NAA10: variants seen among roughly 807,000 people sequenced by gnomAD.
NAA10 encodes the protein N-alpha-acetyltransferase 10, NatA catalytic subunit.
Under a neutral mutation model 19.2 loss-of-function variants are expected in NAA10, and 6 were observed. The observed-to-expected ratio is 0.31, with a 90% confidence interval of 0.17 to 0.62. The LOEUF (loss-of-function observed/expected upper bound fraction) is 0.62. Among genes scored for constraint, NAA10 ranks in the 20% least tolerant of loss-of-function variants. The pLI is 0.83. For synonymous variants in NAA10, 97 were observed against 79.9 expected (o/e 1.21, Z -1.14); for missense variants, 101 against 198.4 (o/e 0.51, Z 2.95).
At chrX:153,934,118 T>G (rs2065182875) in intron 2 of NAA10, 117 bp from the exon 3 acceptor site, 2 of 707,829 alleles carry the variant, frequency 2.8e-6, no homozygotes, top group South Asian at 2.2e-5. Context: ...CCGGGCTGAG[T>G]GGCTTGGTCT....
intron 2 of NAA10, 66 bp from the exon 3 acceptor site, chrX:153,934,067 C>A: frequency 9.6e-7 from 1 of 1,038,809 alleles, no homozygotes; most frequent in Non-Finnish European, 1.4e-6. Context: ...TAGAGGGACA[C>A]AAACTGGACG....
At position 153,931,544 on chromosome X, in the gene NAA10, C is replaced by G. The variant is rs1031996279; in HGVS notation, c.386+527G>C. ...ACTTGCAAGCACTTTTTTCCACTGTCTACTGGGCATGCCAACTGCCAGGTT... is the reference window on the plus strand; with the variant it reads ...ACTTGCAAGCACTTTTTTCCACTGTGTACTGGGCATGCCAACTGCCAGGTT... On this transcript the variant is annotated intron_variant, in intron 6 of 7. Transcript: ENST00000464845. 51 of 813,133 alleles carry G rather than the reference C, an allele frequency of 6.3e-5. No individual in the cohort carries two copies. In the Admixed American group the frequency reaches 7.5e-4, roughly 12 times the overall value. The allele number at this position is 813,133 out of a possible 1,213,427, so 67.0% of individuals were successfully genotyped here.
Position 153,934,655 on chromosome X carries a change from C to A in NAA10, c.22-180G>T, listed in dbSNP as rs782740183. ...ACAGGAGTGGGCGCCCCGGAGGTCC[C>A]CGGAGCCCACCCAACGGAGGCCCGA... On this transcript the variant is annotated intron_variant, in intron 1 of 7. Coordinates refer to ENST00000464845, the MANE Select transcript of NAA10 (RefSeq NM_003491.4). 23 of 561,726 alleles carry A rather than the reference C, an allele frequency of 4.1e-5. No homozygotes were observed. The South Asian group carries it at 5.7e-4, about 14-fold the overall frequency. The allele number at this position is 561,726 out of a possible 1,213,427, so 46.3% of individuals were successfully genotyped here.
intron 1 of NAA10, 27 bp from the exon 2 acceptor site, chrX:153,934,502 C>T: frequency 8.8e-7 from 1 of 1,130,050 alleles, no homozygotes; most frequent in Non-Finnish European, 1.2e-6. Context: ...CAGTGGAACG[C>T]GCTCAGTCTA....
intron 7 of NAA10, 34 bp from the exon 8 acceptor site, chrX:153,930,257 A>G (rs2065158825): frequency 8.7e-7 from 1 of 1,147,893 alleles, no homozygotes; most frequent in Admixed American, 2.2e-5. Flanking sequence ...AGCGGGGGCA[A>G]AGAGACAGGG....
intron 3 of NAA10, 116 bp from the exon 4 acceptor site, chrX:153,932,700 G>C (rs2065173868): frequency 2.9e-6 from 2 of 682,626 alleles, no homozygotes; most frequent in African/African-American, 4.3e-5. Context: ...CCCCAGCTGG[G>C]GGAGAGCCGG....
rs1245820691 is a variant in NAA10, at chrX:153,929,436, C to G, written c.*551G>C. 1.7e-5 allele frequency: 2 copies of G among 120,103 alleles called. No homozygotes were observed. Among genetic ancestry groups the G allele is most frequent in the Non-Finnish European group, 3.5e-5 (2 of 57,888 alleles). The allele number at this position is 120,103 out of a possible 1,213,427, so 9.9% of individuals were successfully genotyped here. Reference sequence around the variant, plus strand: ...TTAGGGTGGCAGGGGAGGGAGGACTCAAGGACTGTTGATGGGGCATCTGGC... The same window carrying G: ...TTAGGGTGGCAGGGGAGGGAGGACTGAAGGACTGTTGATGGGGCATCTGGC... On this transcript the variant is annotated 3_prime_UTR_variant, in exon 8 of 8. Coordinates refer to ENST00000464845, the MANE Select transcript of NAA10 (RefSeq NM_003491.4).
intron 7 of NAA10, 145 bp downstream of exon 7, chrX:153,930,618 G>A (rs1391093036): frequency 3.3e-6 from 2 of 607,382 alleles, no homozygotes; most frequent in Non-Finnish European, 5.4e-6. Flanking sequence ...CTCCTCTAAA[G>A]CCCAGCCTAG....
In NAA10 at chrX:153,934,915, G is replaced by A. The variant is rs2065188932; in HGVS notation, c.-11C>T. On this transcript the variant is annotated 5_prime_UTR_variant, in exon 1 of 8. Transcript: ENST00000464845. ...ATTGCGGATGTTCATAACGGCGGCG[G>A]GGCTCGCGGGTCCCAGCGGATCGTG... 2 of 1,006,114 alleles carry A rather than the reference G, an allele frequency of 2.0e-6. No homozygotes were observed. The highest frequency in any genetic ancestry group is 2.5e-6 in the Non-Finnish European group (2 of 787,240). The allele number at this position is 1,006,114 out of a possible 1,213,427, so 82.9% of individuals were successfully genotyped here.
At chrX:153,931,232 G>A in intron 6 of NAA10, 3 of 921,195 alleles carry the variant, frequency 3.3e-6, no homozygotes, top group Non-Finnish European at 4.1e-6. Flanking sequence ...GCAGCTCTGG[G>A]GCCGTGACTA....
intron 7 of NAA10, 149 bp downstream of exon 7, chrX:153,930,614 T>C: frequency 3.3e-6 from 2 of 597,919 alleles, no homozygotes; most frequent in Admixed American, 5.2e-5. Context: ...TGGCCTCCTC[T>C]AAAGCCCAGC....
chrX:153,934,070 A>G (rs2065182496), intron 2 of NAA10, 69 bp from the exon 3 acceptor site: 30 of 1,016,099 alleles, frequency 3.0e-5, no homozygotes, highest in Non-Finnish European at 4.0e-5. Context: ...AGGGACACAA[A>G]CTGGACGAGT....
At chrX:153,931,990 C>T (rs2065168977) in intron 6 of NAA10, 81 bp downstream of exon 6, 1 of 1,209,345 alleles carries the variant, frequency 8.3e-7, no homozygotes, top group Admixed American at 2.2e-5. Context: ...ACCTGGAAGG[C>T]AACTCAGCCG....
Position 153,932,330 on chromosome X carries a change from C to T in NAA10, c.327G>A (p.Leu109=). 8.3e-7 allele frequency: 1 copy of T among 1,209,339 alleles called. No individual in the cohort carries two copies. Among genetic ancestry groups the T allele is most frequent in the Non-Finnish European group, 1.1e-6 (1 of 893,528 alleles). The change falls in exon 5 of 8, where the codon CTG becomes CTA. Residue 109 remains leucine, a synonymous_variant. Coordinates refer to ENST00000464845, the MANE Select transcript of NAA10 (RefSeq NM_003491.4). ...IENFNAKYVS[L]HVRKSNRAAL... ...CCGGCTTCCACCTCTTCCTGACATGCAGGGAGACATATTTGGCATTGAAGT... is the reference window on the plus strand; with the variant it reads ...CCGGCTTCCACCTCTTCCTGACATGTAGGGAGACATATTTGGCATTGAAGT...
chrX:153,933,497 C>T (rs2065178703), intron 3 of NAA10, among the ~76,000 whole-genome samples: 1 of 111,425 alleles, frequency 9.0e-6, no homozygotes, highest in African/African-American at 3.3e-5. Context: ...GTAGTGAAAC[C>T]CCATTGCTAC....
At chrX:153,933,834 T>C in intron 3 of NAA10, 109 bp downstream of exon 3, 2 of 707,414 alleles carry the variant, frequency 2.8e-6, no homozygotes, top group East Asian at 6.4e-5. Context: ...TCAATTTTTC[T>C]ATAAACTTTC....
At position 153,930,892 on chromosome X, in the gene NAA10, G is replaced by A. The variant is rs2071131; in HGVS notation, c.387-45C>T. On this transcript the variant is annotated intron_variant, in intron 6 of 7. Coordinates refer to ENST00000464845, the MANE Select transcript of NAA10 (RefSeq NM_003491.4). ...GAGCAAGGAGGAAGACCTGTATCCCGGGGACACCCTCCTCCACTCCTGGTA... is the reference window on the plus strand; with the variant it reads ...GAGCAAGGAGGAAGACCTGTATCCCAGGGACACCCTCCTCCACTCCTGGTA... The A allele has an allele frequency of 0.17, 208,509 of 1,207,982 alleles. 18,603 individuals carry two copies. The highest frequency in any genetic ancestry group is 0.66 in the East Asian group (22,248 of 33,647).
Position 153,930,086 on chromosome X carries a change from C to G in NAA10, c.609G>C (p.Glu203Asp). 4 of 1,211,205 alleles carry G rather than the reference C, an allele frequency of 3.3e-6. No individual in the cohort carries two copies. The highest frequency in any genetic ancestry group is 4.5e-6 in the Non-Finnish European group (4 of 895,319). Residue 203 changes from glutamate to aspartate, a missense_variant, in exon 8 of 8, where the codon GAG (glutamate) becomes GAC (aspartate). Coordinates refer to ENST00000464845, the MANE Select transcript of NAA10 (RefSeq NM_003491.4). ...GGTCCTTGCTGTCCCCACCACTATC[C>G]TCGGCAGCCAGGCCCTTCTCCTCGC... ...ACREEKGLAA[E>D]DSGGDSKDLS...
rs368315631 is a variant in NAA10 at position 153,932,298 on chromosome X, C to T, written c.341+18G>A. On this transcript the variant is annotated intron_variant, in intron 5 of 7. Coordinates refer to ENST00000464845, the MANE Select transcript of NAA10 (RefSeq NM_003491.4). Reference sequence around the variant, plus strand: ...TATCTCTCCCCCTCAATCCCCCTTCCCTCAGCCCGGCTTCCACCTCTTCCT... The same window carrying T: ...TATCTCTCCCCCTCAATCCCCCTTCTCTCAGCCCGGCTTCCACCTCTTCCT... The T allele has an allele frequency of 1.2e-5, 14 of 1,190,294 alleles. No individual in the cohort carries two copies. The highest frequency in any genetic ancestry group is 1.5e-5 in the Non-Finnish European group (13 of 878,724).
Sources: gnomAD v4.1 joint callset for allele counts (sites outside exome capture counted in the v4.1 genomes callset) on GRCh38, gnomAD v4.1.1 for gene constraint, MANE v1.5 for transcripts, NCBI Gene and HGNC (gene_info 2026-07-23, HGNC 2026-07-21) for gene names.